COL28A1: variants seen among roughly 807,000 people sequenced by gnomAD.
COL28A1 encodes collagen alpha-1(XXVIII) chain.
COL28A1 carries 161 observed loss-of-function variants against 150.2 expected under a neutral mutation model. That is an observed-to-expected ratio of 1.07 (90% CI 0.94 to 1.22). COL28A1 has a LOEUF of 1.22. Ranked by LOEUF, COL28A1 falls within the 50% of genes most tolerant of loss-of-function variation. The pLI, the probability that COL28A1 is intolerant of heterozygous loss-of-function variation, is 0.00. For missense variants in COL28A1, 1,617 were observed against 1,388.3 expected (o/e 1.16, Z -2.62); for synonymous variants, 552 against 469.7 (o/e 1.18, Z -2.26).
chr7:7,455,914 C>G (rs2128334156), intron 16 of COL28A1, 130 bp downstream of exon 16: 2 of 1,263,582 alleles, frequency 1.6e-6, no homozygotes, highest in African/African-American at 1.5e-5. Context: ...ATATTCACTT[C>G]TGGACTTATA....
At chr7:7,493,291 G>A (rs1290443645) in intron 11 of COL28A1, among the ~76,000 whole-genome samples, 1 of 151,966 alleles carries the variant, frequency 6.6e-6, no homozygotes, top group African/African-American at 2.4e-5. Context: ...TGCCCTACTT[G>A]GTACTTATCT....
chr7:7,385,178 T>C (rs1011584567), intron 27 of COL28A1, among the ~76,000 whole-genome samples: 2 of 152,258 alleles, frequency 1.3e-5, no homozygotes, highest in Non-Finnish European at 2.9e-5. Context: ...GATGTCTTGG[T>C]AAATCACACT....
chr7:7,480,836 C>T (rs1411891850), intron 13 of COL28A1, among the ~76,000 whole-genome samples: 1 of 152,076 alleles, frequency 6.6e-6, no homozygotes, highest in East Asian at 1.9e-4. Context: ...AGGTTCAAGC[C>T]CCAGCTCTGC....
intron 25 of COL28A1, among the ~76,000 whole-genome samples, chr7:7,420,893 C>A (rs554701842): frequency 6.6e-6 from 1 of 152,294 alleles, no homozygotes; most frequent in African/African-American, 2.4e-5. Flanking sequence ...AAAACAGGAA[C>A]CCTCATAATT....
chr7:7,483,957 TG>T (rs1348811128), intron 13 of COL28A1, among the ~76,000 whole-genome samples: 2 of 152,114 alleles, frequency 1.3e-5, no homozygotes, highest in African/African-American at 2.4e-5. Context: ...GATAAATTTG[TG>T]GGTTATAAGT....
intron 27 of COL28A1, among the ~76,000 whole-genome samples, chr7:7,390,705 C>A (rs1782488839): frequency 3.9e-5 from 6 of 152,088 alleles, no homozygotes; most frequent in Admixed American, 3.3e-4. Context: ...CAACTTCTTC[C>A]TGGTTTGGGC....
At chr7:7,461,140 C>G (rs1041203765) in intron 15 of COL28A1, among the ~76,000 whole-genome samples, 1 of 152,214 alleles carries the variant, frequency 6.6e-6, no homozygotes, top group African/African-American at 2.4e-5. Context: ...CACATACCCC[C>G]ACTGGGGAAC....
chr7:7,360,369 T>G (rs781650718), intron 34 of COL28A1, 21 bp downstream of exon 34: 3 of 1,528,516 alleles, frequency 2.0e-6, no homozygotes, highest in Admixed American at 2.5e-5. Flanking sequence ...AAAATGGGAC[T>G]TGGAGTTCTG....
chr7:7,364,353 T>C (rs1206367182), intron 33 of COL28A1, among the ~76,000 whole-genome samples: 2 of 152,164 alleles, frequency 1.3e-5, no homozygotes. Context: ...CCTCAGAAAA[T>C]CAGGGTAATG....
intron 27 of COL28A1, among the ~76,000 whole-genome samples, chr7:7,406,900 C>A (rs957168046): frequency 6.6e-6 from 1 of 151,690 alleles, no homozygotes; most frequent in Admixed American, 6.6e-5. Context: ...ATAGGAATAC[C>A]TTAGAAGCTT....
At chr7:7,404,054 AT>A (rs1241460939) in intron 27 of COL28A1, among the ~76,000 whole-genome samples, 2 of 151,382 alleles carry the variant, frequency 1.3e-5, no homozygotes, top group African/African-American at 2.4e-5. Context: ...AGTCACAGTC[AT>A]TTTTTTTTAA....
intron 27 of COL28A1, among the ~76,000 whole-genome samples, chr7:7,416,215 C>T (rs2128306369): frequency 6.6e-6 from 1 of 152,310 alleles, no homozygotes. Flanking sequence ...GGATACGTGG[C>T]AGTTTTGATT....
intron 25 of COL28A1, among the ~76,000 whole-genome samples, chr7:7,428,613 C>CA (rs145138025): frequency 0.098 from 14,916 of 152,184 alleles, 883 homozygotes; most frequent in Middle Eastern, 0.21. Context: ...ATCTAAGGCT[C>CA]CAGAGAAGAA....
the COL28A1 span, among the ~76,000 whole-genome samples, chr7:7,348,061 G>A: frequency 2.0e-5 from 3 of 152,080 alleles, no homozygotes; most frequent in African/African-American, 7.2e-5. Context: ...ACATATAGAG[G>A]AGGAAATAGA....
chr7:7,438,436 G>C (rs1327091656), intron 21 of COL28A1, among the ~76,000 whole-genome samples: 1 of 152,188 alleles, frequency 6.6e-6, no homozygotes, highest in East Asian at 1.9e-4. Flanking sequence ...GAATTATCAG[G>C]AAAGTTTGGT....
At chr7:7,529,960 A>G (rs1019763385) in intron 3 of COL28A1, among the ~76,000 whole-genome samples, 1 of 151,876 alleles carries the variant, frequency 6.6e-6, no homozygotes, top group African/African-American at 2.4e-5. Context: ...CATCAGCTCT[A>G]TCTCTGATCT....
At chr7:7,346,207 A>C in the COL28A1 span, among the ~76,000 whole-genome samples, 2 of 151,846 alleles carry the variant, frequency 1.3e-5, no homozygotes, top group Non-Finnish European at 2.9e-5. Context: ...TTAATATCTC[A>C]TTAGCTAGTT....
intron 27 of COL28A1, among the ~76,000 whole-genome samples, chr7:7,395,239 A>G (rs931420679): frequency 2.0e-5 from 3 of 152,162 alleles, no homozygotes; most frequent in African/African-American, 7.2e-5. Flanking sequence ...TTCTGCAGTG[A>G]GCCAAGATCA....
the COL28A1 span, among the ~76,000 whole-genome samples, chr7:7,543,108 C>A: frequency 2.0e-5 from 3 of 152,138 alleles, no homozygotes; most frequent in Admixed American, 6.5e-5. Flanking sequence ...ACACAATATT[C>A]TCTATTATAA....
Sources: allele counts gnomAD v4.1 joint callset (sites outside exome capture counted in the v4.1 genomes callset), GRCh38; gene constraint gnomAD v4.1.1; transcripts MANE v1.5; gene names NCBI Gene and HGNC (gene_info 2026-07-23, HGNC 2026-07-21).